SCLT1: variants seen among roughly 807,000 people sequenced by gnomAD.
SCLT1 encodes the protein sodium channel-associated protein 1.
A neutral mutation model predicts 112.8 loss-of-function variants in SCLT1; 78 were observed. The observed-to-expected ratio is 0.69, with a 90% CI of 0.58 to 0.83. The LOEUF (loss-of-function observed/expected upper bound fraction) is 0.83. Among genes scored for constraint, SCLT1 ranks in the 40% least tolerant of loss-of-function variants. The probability of loss-of-function intolerance (pLI) is 0.00; values close to 1 mark genes in which losing one functional copy is unlikely to be tolerated. For synonymous variants in SCLT1, 257 were observed against 254.7 expected (o/e 1.01, Z -0.09); for missense variants, 747 against 770.4 (o/e 0.97, Z 0.36).
intron 9 of SCLT1, among the ~76,000 whole-genome samples, chr4:128,986,837 C>T (rs556538372): frequency 6.6e-6 from 1 of 152,088 alleles, no homozygotes; most frequent in Non-Finnish European, 1.5e-5. Context: ...GGGTTAGCCC[C>T]GGTATTGTAC....
intron 1 of SCLT1, among the ~76,000 whole-genome samples, chr4:129,086,806 G>T (rs17184802): frequency 0.031 from 4,674 of 152,244 alleles, 92 homozygotes; most frequent in South Asian, 0.052. Flanking sequence ...AAAGGATGAG[G>T]AGGTCAAAGA....
chr4:129,050,613 G>A (rs549545324), intron 2 of SCLT1, among the ~76,000 whole-genome samples: 162 of 152,194 alleles, frequency 1.1e-3, no homozygotes, highest in African/African-American at 3.7e-3. Flanking sequence ...TAAGTTCCTT[G>A]TAGACTGTGG....
At chr4:129,063,641 C>T (rs1750198405) in intron 2 of SCLT1, among the ~76,000 whole-genome samples, 1 of 152,064 alleles carries the variant, frequency 6.6e-6, no homozygotes, top group Non-Finnish European at 1.5e-5. Flanking sequence ...GGTGGTACAC[C>T]ACAGGTTAGG....
intron 6 of SCLT1, among the ~76,000 whole-genome samples, chr4:129,001,809 C>T (rs1743512275): frequency 6.6e-6 from 1 of 151,946 alleles, no homozygotes; most frequent in East Asian, 1.9e-4. Context: ...ATTTGTGAGT[C>T]TTGCTGTTCA....
At chr4:129,062,621 C>A (rs1171678520) in intron 2 of SCLT1, among the ~76,000 whole-genome samples, 1 of 152,056 alleles carries the variant, frequency 6.6e-6, no homozygotes, top group South Asian at 2.1e-4. Flanking sequence ...CTAGGAAAAG[C>A]TTTATCTCTC....
intron 5 of SCLT1, among the ~76,000 whole-genome samples, chr4:129,026,020 C>T (rs1746032898): frequency 6.6e-6 from 1 of 152,162 alleles, no homozygotes; most frequent in Admixed American, 6.5e-5. Context: ...TATATATGCA[C>T]CGAATACAGG....
intron 5 of SCLT1, chr4:129,036,836 T>C (rs940423115): frequency 6.6e-6 from 1 of 151,654 alleles, no homozygotes; most frequent in African/African-American, 2.4e-5. Context: ...AAAATAAAAT[T>C]ACTACATAAC....
At chr4:129,042,843 G>A (rs1318212963) in intron 4 of SCLT1, among the ~76,000 whole-genome samples, 1 of 151,992 alleles carries the variant, frequency 6.6e-6, no homozygotes, top group African/African-American at 2.4e-5. Context: ...GGGAGGCCGA[G>A]GCAGGCGGAT....
chr4:128,975,874 A>G (rs1741130136), intron 9 of SCLT1, among the ~76,000 whole-genome samples: 1 of 152,148 alleles, frequency 6.6e-6, no homozygotes, highest in African/African-American at 2.4e-5. Flanking sequence ...CCTCTTCCCA[A>G]TCTTTACTGG....
At chr4:129,064,188 T>A (rs566784832) in intron 2 of SCLT1, among the ~76,000 whole-genome samples, 52 of 152,348 alleles carry the variant, frequency 3.4e-4, no homozygotes, top group South Asian at 2.3e-3. Flanking sequence ...TGTTAAACTG[T>A]TGAATTTTAA....
intron 9 of SCLT1, among the ~76,000 whole-genome samples, chr4:128,983,778 T>C (rs1390474730): frequency 6.6e-6 from 1 of 152,150 alleles, no homozygotes; most frequent in African/African-American, 2.4e-5. Context: ...TGCACCACAC[T>C]ATCAGACAAC....
At chr4:128,881,476 G>A (rs1190537421), downstream of SCLT1, among the ~76,000 whole-genome samples, 2 of 152,172 alleles carry the variant, frequency 1.3e-5, no homozygotes, top group Non-Finnish European at 2.9e-5. Flanking sequence ...AATGTTTGGG[G>A]TGGTTATAAT....
At chr4:128,899,258 C>T (rs372704802) in intron 18 of SCLT1, among the ~76,000 whole-genome samples, 1 of 152,034 alleles carries the variant, frequency 6.6e-6, no homozygotes, top group Non-Finnish European at 1.5e-5. Flanking sequence ...TGATGAACAT[C>T]GATGCAAAAA....
chr4:129,053,557 ATTT>A (rs528905688), intron 2 of SCLT1, among the ~76,000 whole-genome samples: 50 of 45,184 alleles, frequency 1.1e-3, no homozygotes, highest in Non-Finnish European at 1.3e-3. Context: ...GCAATCCCTG[ATTT>A]TTTTTTTTTT....
chr4:128,909,305 C>T (rs1230506597), intron 18 of SCLT1, among the ~76,000 whole-genome samples: 1 of 152,126 alleles, frequency 6.6e-6, no homozygotes, highest in Non-Finnish European at 1.5e-5. Flanking sequence ...GGCTGGAGTG[C>T]AGTAGCATGA....
At chr4:128,976,817 C>T (rs1741214835) in intron 9 of SCLT1, among the ~76,000 whole-genome samples, 1 of 152,002 alleles carries the variant, frequency 6.6e-6, no homozygotes, top group South Asian at 2.1e-4. Context: ...TAGGAAGAAA[C>T]AAGATAAGCA....
rs149470855 is a variant in SCLT1, at chr4:128,948,732, C to G, written c.1219-162G>C. Reference sequence around the variant, plus strand: ...ACAAAACTCAATATTTGAAGAGCAACCTAACCCAGGATTGCAGAAATTGCC... The same window carrying G: ...ACAAAACTCAATATTTGAAGAGCAAGCTAACCCAGGATTGCAGAAATTGCC... On this transcript the variant is annotated intron_variant, in intron 14 of 20. Transcript: ENST00000281142. 1.5e-3 allele frequency among the ~76,000 whole-genome samples: 225 copies of G among 152,246 alleles called. 1 individual carries two copies. Among genetic ancestry groups the G allele is most frequent in the African/African-American group, 5.2e-3 (214 of 41,552 alleles).
At chr4:128,960,739 T>G (rs1739625916) in intron 11 of SCLT1, among the ~76,000 whole-genome samples, 1 of 150,460 alleles carries the variant, frequency 6.6e-6, no homozygotes, top group Non-Finnish European at 1.5e-5. Context: ...GCTAACAAGG[T>G]GAAACCCCGT....
chr4:128,923,637 C>G (rs1178111011), intron 18 of SCLT1, among the ~76,000 whole-genome samples: 2 of 73,918 alleles, frequency 2.7e-5, no homozygotes, highest in African/African-American at 1.2e-4. Flanking sequence ...TCTTCTATAT[C>G]TGTTTTTTTT....
Sources: gnomAD v4.1 joint callset for allele counts (sites outside exome capture counted in the v4.1 genomes callset) on GRCh38, gnomAD v4.1.1 for gene constraint, MANE v1.5 for transcripts, NCBI Gene and HGNC (gene_info 2026-07-23, HGNC 2026-07-21) for gene names.